The following GALNT14 variants were observed in gnomAD, a reference collection of about 807,000 sequenced individuals.
GALNT14 encodes UDP-GalNAc:polypeptide N-acetylgalactosaminyltransferase 14.
Under a neutral mutation model 77.5 loss-of-function variants are expected in GALNT14, and 60 were observed. That is an observed-to-expected ratio of 0.77 (90% CI 0.63 to 0.96). The LOEUF (loss-of-function observed/expected upper bound fraction) is 0.96. Among genes scored for constraint, GALNT14 ranks in the 40% least tolerant of loss-of-function variants. The pLI, the probability that GALNT14 is intolerant of heterozygous loss-of-function variation, is 0.00. For synonymous variants in GALNT14, 280 were observed against 281.7 expected, an observed-to-expected ratio of 0.99 and a Z score of 0.06; for missense variants, 710 against 731.0, an observed-to-expected ratio of 0.97 and a Z score of 0.33.
intron 1 of GALNT14, 142 bp downstream of exon 1, chr2:31,137,816 G>T: frequency 1.9e-6 from 2 of 1,058,558 alleles, no homozygotes; most frequent in South Asian, 3.3e-5. Flanking sequence ...ACATCACATG[G>T]TAGCCACATC....
At chr2:31,098,463 A>G (rs181010402) in intron 1 of GALNT14, among the ~76,000 whole-genome samples, 5 of 152,246 alleles carry the variant, frequency 3.3e-5, no homozygotes, top group Non-Finnish European at 2.9e-5. Flanking sequence ...TAAAAAATAC[A>G]TTTATGTGGT....
At chr2:31,089,633 T>A (rs949090641) in intron 1 of GALNT14, among the ~76,000 whole-genome samples, 10 of 152,316 alleles carry the variant, frequency 6.6e-5, no homozygotes, top group African/African-American at 2.4e-4. Context: ...GTGGACATAC[T>A]GACATCTTTC....
At chr2:30,908,904 G>A (rs1043826369), downstream of GALNT14, among the ~76,000 whole-genome samples, 13 of 150,018 alleles carry the variant, frequency 8.7e-5, no homozygotes, top group South Asian at 6.3e-4. Flanking sequence ...AAATAACGCC[G>A]CATATCTACA....
intron 1 of GALNT14, among the ~76,000 whole-genome samples, chr2:31,004,840 A>G (rs1435128940): frequency 6.6e-6 from 1 of 152,228 alleles, no homozygotes; most frequent in Non-Finnish European, 1.5e-5. Context: ...CACCATCAGA[A>G]AGCTCTCTAG....
At chr2:30,900,112 G>A in the GALNT14 span, among the ~76,000 whole-genome samples, 1 of 152,190 alleles carries the variant, frequency 6.6e-6, no homozygotes, top group Non-Finnish European at 1.5e-5. Context: ...CAGGTACAAG[G>A]TGGACCTCTC....
chr2:30,966,253 T>C lies in GALNT14; in HGVS notation c.349A>G (p.Ile117Val), dbSNP rs151269303. 10 of 1,613,874 alleles carry C rather than the reference T, an allele frequency of 6.2e-6. No individual in the cohort carries two copies. In the African/African-American group the frequency reaches 8.0e-5, roughly 13 times the overall value. The change falls in exon 3 of 15, where the codon ATC becomes GTC. Residue 117 changes from isoleucine to valine, a missense_variant. Transcript: ENST00000349752. ...CTDLPPTSIIITFHNEARSTL... is the reference protein window; with the variant it reads ...CTDLPPTSIIVTFHNEARSTL... ...GAGCGGGCCTCGTTGTGGAAGGTGA[T>C]GATGATGCTAGTGGGTGGAAGGTCC...
At chr2:31,035,029 G>A (rs1268510096) in intron 1 of GALNT14, among the ~76,000 whole-genome samples, 1 of 152,184 alleles carries the variant, frequency 6.6e-6, no homozygotes, top group Non-Finnish European at 1.5e-5. Context: ...GCCTATCCTA[G>A]AGAATGTTCC....
At chr2:31,045,524 G>T (rs530576333) in intron 1 of GALNT14, among the ~76,000 whole-genome samples, 1 of 152,002 alleles carries the variant, frequency 6.6e-6, no homozygotes, top group African/African-American at 2.4e-5. Flanking sequence ...GTTCAGTGGC[G>T]CAACCTCGGC....
At chr2:30,953,232 G>C (rs998489067) in intron 6 of GALNT14, among the ~76,000 whole-genome samples, 1 of 151,666 alleles carries the variant, frequency 6.6e-6, no homozygotes, top group Non-Finnish European at 1.5e-5. Flanking sequence ...CTGCGGAGTA[G>C]AGTTCCTCTA....
intron 2 of GALNT14, 66 bp from the exon 3 acceptor site, chr2:30,966,368 C>T: frequency 4.9e-6 from 6 of 1,214,356 alleles, no homozygotes; most frequent in Non-Finnish European, 6.1e-6. Context: ...AGGGCTAGAA[C>T]CGAGGGCATC....
intron 2 of GALNT14, among the ~76,000 whole-genome samples, chr2:30,978,440 A>C (rs1239186552): frequency 6.6e-6 from 1 of 152,174 alleles, no homozygotes; most frequent in Non-Finnish European, 1.5e-5. Context: ...TTCATCTCTA[A>C]AACAAGGGTC....
At chr2:30,972,993 C>G (rs930897801) in intron 2 of GALNT14, among the ~76,000 whole-genome samples, 2 of 152,182 alleles carry the variant, frequency 1.3e-5, no homozygotes, top group Non-Finnish European at 1.5e-5. Flanking sequence ...CTATGTTGAC[C>G]TAAATAGAAA....
chr2:31,112,011 T>TC (rs1036548478), intron 1 of GALNT14, among the ~76,000 whole-genome samples: 1 of 147,504 alleles, frequency 6.8e-6, no homozygotes, highest in African/African-American at 2.6e-5. Context: ...TTTTTTTTTT[T>TC]CTTTGTATCC....
intron 1 of GALNT14, among the ~76,000 whole-genome samples, chr2:31,059,995 G>A (rs1016133324): frequency 2.0e-5 from 3 of 152,186 alleles, no homozygotes; most frequent in Non-Finnish European, 2.9e-5. Context: ...CTCCTTGAAT[G>A]TTTAGTATTT....
At chr2:31,090,071 C>G (rs1051706794) in intron 1 of GALNT14, among the ~76,000 whole-genome samples, 1 of 152,218 alleles carries the variant, frequency 6.6e-6, no homozygotes, top group Admixed American at 6.5e-5. Flanking sequence ...GTCCACTCCT[C>G]CATCCCCTCA....
chr2:30,932,962 A>G (rs778313891), intron 9 of GALNT14, among the ~76,000 whole-genome samples: 1 of 152,264 alleles, frequency 6.6e-6, no homozygotes, highest in African/African-American at 2.4e-5. Context: ...GGCTGCTGCT[A>G]TGGGCCCTCA....
chr2:30,936,724 A>T (rs1244489258), intron 9 of GALNT14, among the ~76,000 whole-genome samples: 1 of 152,216 alleles, frequency 6.6e-6, no homozygotes, highest in Non-Finnish European at 1.5e-5. Flanking sequence ...TTATTGGCCC[A>T]GAAAACATCG....
At chr2:31,112,938 G>T (rs1677915979) in intron 1 of GALNT14, among the ~76,000 whole-genome samples, 2 of 152,138 alleles carry the variant, frequency 1.3e-5, no homozygotes, top group South Asian at 2.1e-4. Context: ...GATGAATTAG[G>T]CCTCTGCAGC....
intron 1 of GALNT14, among the ~76,000 whole-genome samples, chr2:31,028,609 C>G (rs553567898): frequency 6.6e-6 from 1 of 152,342 alleles, no homozygotes; most frequent in African/African-American, 2.4e-5. Flanking sequence ...TATCAATATG[C>G]AAAGCCTTCG....
Sources: allele counts gnomAD v4.1 joint callset (sites outside exome capture counted in the v4.1 genomes callset), GRCh38; gene constraint gnomAD v4.1.1; transcripts MANE v1.5; gene names NCBI Gene and HGNC (gene_info 2026-07-23, HGNC 2026-07-21).